Variants in RSRC1 observed in about 807,000 individuals in gnomAD.
RSRC1 encodes the protein arginine and serine rich coiled-coil 1, also known as serine/Arginine-related protein 53.
A neutral mutation model predicts 49.1 loss-of-function variants in RSRC1; 39 were observed. That is an observed-to-expected ratio of 0.79 (90% CI 0.61 to 1.04). RSRC1 has a LOEUF of 1.04. Among genes scored for constraint, RSRC1 ranks in the 50% least tolerant of loss-of-function variants. The pLI is 0.00. For synonymous variants in RSRC1, 143 were observed against 130.8 expected (o/e 1.09, Z -0.63); for missense variants, 388 against 402.4 (o/e 0.96, Z 0.31).
At chr3:158,444,227 T>C (rs998238094) in intron 6 of RSRC1, among the ~76,000 whole-genome samples, 12 of 152,142 alleles carry the variant, frequency 7.9e-5, no homozygotes, top group Admixed American at 5.2e-4. Flanking sequence ...AGAACAAAGC[T>C]GGAGGCATCA....
intron 6 of RSRC1, among the ~76,000 whole-genome samples, chr3:158,445,598 A>G (rs371153850): frequency 6.6e-6 from 1 of 152,122 alleles, no homozygotes; most frequent in Non-Finnish European, 1.5e-5. Context: ...GCACATGTAT[A>G]TATATGTAAC....
chr3:158,515,387 G>C (rs1421147709), intron 7 of RSRC1, among the ~76,000 whole-genome samples: 1 of 127,560 alleles, frequency 7.8e-6, no homozygotes, highest in Non-Finnish European at 1.6e-5. Flanking sequence ...TGAAATTCTG[G>C]GTTGAAAATT....
chr3:158,129,549 C>G (rs1283398282), intron 3 of RSRC1, among the ~76,000 whole-genome samples: 1 of 151,968 alleles, frequency 6.6e-6, no homozygotes, highest in Non-Finnish European at 1.5e-5. Context: ...CCTTGGCCTC[C>G]CAGAGTGCTG....
At chr3:158,359,060 T>G (rs1186052791) in intron 6 of RSRC1, among the ~76,000 whole-genome samples, 1 of 152,168 alleles carries the variant, frequency 6.6e-6, no homozygotes, top group Non-Finnish European at 1.5e-5. Flanking sequence ...TTTGGAGGTT[T>G]TTTAGGTGTA....
chr3:158,122,302 A>AT lies in RSRC1; in HGVS notation c.194+9dup. On this transcript the variant is annotated splice_donor_region_variant and intron_variant, in intron 2 of 9. Transcript: ENST00000611884. ...GTTCACATTCTTATGATAGAAGGTG[A>AT]TTTTTGTAATTTTTATTTATATAGT... 1 of 1,531,296 alleles carries AT rather than the reference A, an allele frequency of 6.5e-7. No homozygotes were observed. The highest frequency in any genetic ancestry group is 8.8e-7 in the Non-Finnish European group (1 of 1,137,624). 94.9% of individuals were successfully genotyped at this position (1,531,296 alleles called of 1,614,324 possible).
intron 5 of RSRC1, among the ~76,000 whole-genome samples, chr3:158,302,389 A>G (rs1411492750): frequency 1.3e-5 from 2 of 152,066 alleles, no homozygotes; most frequent in Non-Finnish European, 2.9e-5. Flanking sequence ...CACTGCTTAT[A>G]ATGTTGTGCT....
chr3:158,276,363 C>A, intron 4 of RSRC1: 2 of 776,340 alleles, frequency 2.6e-6, no homozygotes, highest in Non-Finnish European at 4.7e-6. Flanking sequence ...CAGAAGAAAG[C>A]GCATGATGAC....
intron 5 of RSRC1, among the ~76,000 whole-genome samples, chr3:158,306,369 T>A (rs1727838748): frequency 6.6e-6 from 1 of 151,954 alleles, no homozygotes; most frequent in African/African-American, 2.4e-5. Context: ...ATGCAATATG[T>A]ATACACACAC....
intron 4 of RSRC1, among the ~76,000 whole-genome samples, chr3:158,211,063 G>A (rs1211472602): frequency 6.6e-6 from 1 of 152,054 alleles, no homozygotes; most frequent in African/African-American, 2.4e-5. Context: ...TAGAGGATGG[G>A]AGTAGCCTCA....
intron 7 of RSRC1, among the ~76,000 whole-genome samples, chr3:158,479,672 A>G (rs1738530572): frequency 6.6e-6 from 1 of 151,988 alleles, no homozygotes; most frequent in Non-Finnish European, 1.5e-5. Context: ...TCAATATTTG[A>G]TGATAATATT....
chr3:158,350,871 A>G (rs1462352793), intron 5 of RSRC1, among the ~76,000 whole-genome samples: 1 of 152,202 alleles, frequency 6.6e-6, no homozygotes, highest in Non-Finnish European at 1.5e-5. Flanking sequence ...AAAATAACTA[A>G]AGCATTAGAA....
intron 4 of RSRC1, among the ~76,000 whole-genome samples, chr3:158,266,986 A>G (rs547884503): frequency 6.6e-5 from 10 of 152,096 alleles, no homozygotes; most frequent in Non-Finnish European, 1.5e-4. Context: ...CTGGTCTCAA[A>G]CCCCTGAGCT....
chr3:158,177,018 G>T (rs185561164), intron 3 of RSRC1, among the ~76,000 whole-genome samples: 25 of 152,310 alleles, frequency 1.6e-4, no homozygotes, highest in East Asian at 1.5e-3. Context: ...AGACATTTAT[G>T]CAGCCAACAG....
At chr3:158,310,778 T>C (rs1263982492) in intron 5 of RSRC1, among the ~76,000 whole-genome samples, 1 of 151,840 alleles carries the variant, frequency 6.6e-6, no homozygotes, top group African/African-American at 2.4e-5. Flanking sequence ...AATTTTGAAG[T>C]ATCTTAAAAG....
Position 158,477,478 on chromosome 3 carries a change from C to T in RSRC1, c.652+16475C>T, listed in dbSNP as rs546345852. Among the ~76,000 whole-genome samples the T allele has an allele frequency of 2.0e-5, 3 of 152,106 alleles. No homozygotes were observed. The East Asian group carries it at 5.8e-4, about 29-fold the overall frequency. ...CCACTGAGGCAAGACCCTCCACCAGCAAAAAGATTATGACTTGTTAAAGGC... is the reference window on the plus strand; with the variant it reads ...CCACTGAGGCAAGACCCTCCACCAGTAAAAAGATTATGACTTGTTAAAGGC... On this transcript the variant is annotated intron_variant, in intron 7 of 9. Transcript: ENST00000611884.
At chr3:158,230,523 A>G (rs536125388) in intron 4 of RSRC1, among the ~76,000 whole-genome samples, 1 of 143,964 alleles carries the variant, frequency 6.9e-6, no homozygotes, top group South Asian at 2.3e-4. Context: ...AATATGGTGA[A>G]GCAACAGAGT....
chr3:158,343,908 T>C (rs1271254390), intron 5 of RSRC1, among the ~76,000 whole-genome samples: 1 of 152,154 alleles, frequency 6.6e-6, no homozygotes, highest in East Asian at 1.9e-4. Flanking sequence ...GAATAATGAC[T>C]GAAAATTTTC....
At chr3:158,251,460 C>A (rs1235903995) in intron 4 of RSRC1, among the ~76,000 whole-genome samples, 2 of 151,918 alleles carry the variant, frequency 1.3e-5, no homozygotes, top group African/African-American at 4.8e-5. Flanking sequence ...CATGAAATAT[C>A]TTTCCATTTT....
intron 3 of RSRC1, among the ~76,000 whole-genome samples, chr3:158,189,367 G>A (rs1034382051): frequency 6.6e-5 from 10 of 151,762 alleles, no homozygotes; most frequent in African/African-American, 2.2e-4. Flanking sequence ...CTAAATTTAC[G>A]TTACAAATCC....
Sources: allele counts gnomAD v4.1 joint callset (sites outside exome capture counted in the v4.1 genomes callset), GRCh38; gene constraint gnomAD v4.1.1; transcripts MANE v1.5; gene names NCBI Gene and HGNC (gene_info 2026-07-23, HGNC 2026-07-21).